Variants in HOMER2 observed in about 807,000 individuals in gnomAD.
HOMER2 encodes the protein homer protein homolog 2.
HOMER2 carries 27 observed loss-of-function variants against 47.0 expected under a neutral mutation model. That is an observed-to-expected ratio of 0.57 (90% CI 0.42 to 0.79). The LOEUF (loss-of-function observed/expected upper bound fraction) is 0.79. Among genes scored for constraint, HOMER2 ranks in the 30% least tolerant of loss-of-function variants. The pLI is 0.00. For missense variants in HOMER2, 443 were observed against 435.0 expected (o/e 1.02, Z -0.16); for synonymous variants, 161 against 163.8 (o/e 0.98, Z 0.13).
rs191952254 is a variant in HOMER2 at position 82,856,625 on chromosome 15, T to C, written c.495-1825A>G. On this transcript the variant is annotated intron_variant, in intron 5 of 8. Coordinates refer to ENST00000450735, the MANE Select transcript of HOMER2 (RefSeq NM_004839.4). Reference sequence around the variant, plus strand: ...CAGAGACTCTGCCTCAAAAAACAAATAAATAAATAAATAAATAAAGCTCTC... The same window carrying C: ...CAGAGACTCTGCCTCAAAAAACAAACAAATAAATAAATAAATAAAGCTCTC... Among the ~76,000 whole-genome samples, 271 of 151,916 alleles carry C rather than the reference T, an allele frequency of 1.8e-3. 1 individual carries two copies. Among genetic ancestry groups the C allele is most frequent in the African/African-American group, 5.7e-3 (238 of 41,430 alleles).
downstream of HOMER2, chr15:82,834,721 A>C (rs1185018768): frequency 6.6e-6 from 1 of 152,608 alleles, no homozygotes; most frequent in African/African-American, 2.4e-5. Context: ...AACTCATAAT[A>C]ACTATTTGCA....
At chr15:82,837,542 A>G (rs950660046) in exon 2 of HOMER2, 6 of 152,250 alleles carry the variant, frequency 3.9e-5, no homozygotes, top group African/African-American at 9.6e-5. Flanking sequence ...TGACGCAGGA[A>G]CAGCGAAGCA....
intron 1 of HOMER2, among the ~76,000 whole-genome samples, chr15:82,934,252 C>A (rs1567063190): frequency 6.6e-6 from 1 of 152,162 alleles, no homozygotes; most frequent in Non-Finnish European, 1.5e-5. Flanking sequence ...TCGCCTGCCT[C>A]CACGTTACTT....
At chr15:82,969,979 GAA>G (rs1212065982) in intron 1 of HOMER2, among the ~76,000 whole-genome samples, 11 of 152,200 alleles carry the variant, frequency 7.2e-5, no homozygotes, top group African/African-American at 2.7e-4. Flanking sequence ...ACAGCTGGAT[GAA>G]AAGAGACCTA....
At chr15:82,970,613 T>C (rs1016806891) in intron 1 of HOMER2, among the ~76,000 whole-genome samples, 3 of 152,248 alleles carry the variant, frequency 2.0e-5, no homozygotes, top group African/African-American at 7.2e-5. Flanking sequence ...TATTATTACC[T>C]GTGCCATAGT....
chr15:82,854,325 A>T lies in HOMER2; in HGVS notation c.651+319T>A, dbSNP rs1784264811. 2.0e-5 allele frequency among the ~76,000 whole-genome samples: 3 copies of T among 152,178 alleles called. No homozygotes were observed. In the South Asian group the frequency reaches 6.2e-4, roughly 32 times the overall value. On this transcript the variant is annotated intron_variant, in intron 6 of 8. Coordinates refer to ENST00000450735, the MANE Select transcript of HOMER2 (RefSeq NM_004839.4). ...GAGGCTGAGGCAAGAGAATCACTTG[A>T]ACCTGGGAGACAGGAGGCTGCAGTG...
chr15:82,905,968 C>T (rs1463643586), intron 1 of HOMER2, among the ~76,000 whole-genome samples: 7 of 151,904 alleles, frequency 4.6e-5, no homozygotes, highest in Admixed American at 1.3e-4. Flanking sequence ...ATAATATATT[C>T]GAATATGTAT....
intron 1 of HOMER2, among the ~76,000 whole-genome samples, chr15:82,931,380 C>G (rs907692276): frequency 9.2e-5 from 14 of 152,144 alleles, no homozygotes. Context: ...CTTCTCAAGG[C>G]AAAGCTTTCA....
At chr15:82,906,998 C>T (rs1046493623) in intron 1 of HOMER2, among the ~76,000 whole-genome samples, 1 of 152,112 alleles carries the variant, frequency 6.6e-6, no homozygotes, top group Non-Finnish European at 1.5e-5. Flanking sequence ...GACAGAACTA[C>T]AAGAAAAAAA....
chr15:82,945,052 A>C (rs1206385857), intron 1 of HOMER2, among the ~76,000 whole-genome samples: 2 of 152,236 alleles, frequency 1.3e-5, no homozygotes, highest in East Asian at 3.9e-4. Context: ...ACAACGATGA[A>C]TCCTTGATGT....
chr15:82,853,103 G>GCA (rs1432417094), intron 6 of HOMER2, among the ~76,000 whole-genome samples: 1 of 152,226 alleles, frequency 6.6e-6, no homozygotes, highest in African/African-American at 2.4e-5. Flanking sequence ...GAGGCAGGCT[G>GCA]CACCAAGCCT....
chr15:82,853,213 C>T (rs1031163054), intron 6 of HOMER2, among the ~76,000 whole-genome samples: 2 of 152,202 alleles, frequency 1.3e-5, no homozygotes, highest in African/African-American at 2.4e-5. Context: ...TCAGGGAGGT[C>T]GACACGCCTC....
At chr15:82,933,017 G>A (rs2054054037) in intron 1 of HOMER2, among the ~76,000 whole-genome samples, 2 of 151,918 alleles carry the variant, frequency 1.3e-5, no homozygotes, top group African/African-American at 4.8e-5. Context: ...TCTCCTCCCC[G>A]TGCCCTCACT....
intron 1 of HOMER2, among the ~76,000 whole-genome samples, chr15:82,912,861 A>G (rs1294845718): frequency 6.6e-6 from 1 of 152,258 alleles, no homozygotes; most frequent in African/African-American, 2.4e-5. Flanking sequence ...AAGGCAGCCT[A>G]TACCCTAAGT....
At chr15:82,966,359 T>C (rs2054675033) in intron 1 of HOMER2, among the ~76,000 whole-genome samples, 1 of 152,094 alleles carries the variant, frequency 6.6e-6, no homozygotes, top group Admixed American at 6.6e-5. Flanking sequence ...AATACATGCC[T>C]ATGTGGGTCA....
chr15:82,866,647 C>A (rs2051977124), intron 3 of HOMER2, among the ~76,000 whole-genome samples: 1 of 152,170 alleles, frequency 6.6e-6, no homozygotes, highest in Non-Finnish European at 1.5e-5. Flanking sequence ...GTGGGAGTAA[C>A]TGAATCATCG....
intron 3 of HOMER2, among the ~76,000 whole-genome samples, chr15:82,872,076 C>T (rs1214694143): frequency 6.6e-6 from 1 of 152,076 alleles, no homozygotes; most frequent in Non-Finnish European, 1.5e-5. Flanking sequence ...AGCCTATTTG[C>T]CAGGATATGA....
In HOMER2 at chr15:82,985,111, A is replaced by G. The variant is rs11639089; in HGVS notation, n.82+676T>C. ...AGGGGGAGAGACAGGTATTTCATGC[A>G]AGGGACATGAGCAATCTATAAAAAT... On this transcript the variant is annotated intron_variant and non_coding_transcript_variant, in intron 1 of 1. Transcript: ENST00000500334. 1.9e-3 allele frequency among the ~76,000 whole-genome samples: 291 copies of G among 152,372 alleles called. 1 individual carries two copies. Among genetic ancestry groups the G allele is most frequent in the South Asian group, 2.5e-3 (12 of 4,826 alleles).
intron 4 of HOMER2, among the ~76,000 whole-genome samples, chr15:82,863,301 C>T (rs1456688270): frequency 6.6e-6 from 1 of 152,196 alleles, no homozygotes; most frequent in Non-Finnish European, 1.5e-5. Context: ...CAAGCCAACC[C>T]TCTCAGGTGA....
Sources: gnomAD v4.1 joint callset for allele counts (sites outside exome capture counted in the v4.1 genomes callset) on GRCh38, gnomAD v4.1.1 for gene constraint, MANE v1.5 for transcripts, NCBI Gene and HGNC (gene_info 2026-07-23, HGNC 2026-07-21) for gene names.